The following KBTBD11 variants were observed in gnomAD, a reference collection of about 807,000 sequenced individuals.
The protein encoded by KBTBD11 is kelch repeat and BTB domain containing 11, also known as kelch repeat and BTB domain-containing protein 11.
For missense variants in KBTBD11, 1,390 were observed against 1,001.8 expected, an observed-to-expected ratio of 1.39 and a Z score of -5.23; for synonymous variants, 747 against 499.0, an observed-to-expected ratio of 1.50 and a Z score of -6.63.
At chr8:1,974,406 G>C in intron 1 of KBTBD11, 1 of 984,806 alleles carries the variant, frequency 1.0e-6, no homozygotes, top group South Asian at 4.7e-5. Flanking sequence ...AGCGCGCGGG[G>C]CCAGGGCGGG....
At chr8:2,000,248 A>T (rs1304020557) in intron 1 of KBTBD11, 37 bp from the exon 2 acceptor site, 1 of 152,222 alleles carries the variant, frequency 6.6e-6, no homozygotes, top group Non-Finnish European at 1.5e-5. Flanking sequence ...CTTACTGAAA[A>T]ACGCACAAAT....
chr8:1,980,549 C>G (rs1047858583), intron 1 of KBTBD11, among the ~76,000 whole-genome samples: 1 of 152,236 alleles, frequency 6.6e-6, no homozygotes, highest in Non-Finnish European at 1.5e-5. Flanking sequence ...TTAAAATGAG[C>G]TCCATGAAGC....
At chr8:1,977,670 C>T (rs1816395123) in intron 1 of KBTBD11, among the ~76,000 whole-genome samples, 1 of 146,770 alleles carries the variant, frequency 6.8e-6, no homozygotes, top group Non-Finnish European at 1.5e-5. Context: ...ATTACAGGCG[C>T]CCTCCAGCAC....
At chr8:1,986,827 A>T (rs570552529) in intron 1 of KBTBD11, among the ~76,000 whole-genome samples, 58 of 152,248 alleles carry the variant, frequency 3.8e-4, no homozygotes, top group Non-Finnish European at 6.8e-4. Context: ...AAGATTTAAT[A>T]CATGTTATCG....
intron 1 of KBTBD11, among the ~76,000 whole-genome samples, chr8:1,983,365 T>C (rs1816603302): frequency 6.6e-6 from 1 of 152,220 alleles, no homozygotes; most frequent in Non-Finnish European, 1.5e-5. Flanking sequence ...GTCACGATGC[T>C]CCTTTTCCTG....
chr8:1,994,887 C>T (rs900820715), intron 1 of KBTBD11, among the ~76,000 whole-genome samples: 9 of 152,172 alleles, frequency 5.9e-5, no homozygotes, highest in South Asian at 4.2e-4. Context: ...GGCGAAACTC[C>T]GTCTCTACTA....
chr8:2,002,938 C>T lies in KBTBD11; in HGVS notation c.1746C>T (p.Gly582=). 2.3e-6 allele frequency: 3 copies of T among 1,321,438 alleles called. No individual in the cohort carries two copies. Among genetic ancestry groups the T allele is most frequent in the East Asian group, 3.1e-5 (1 of 31,972 alleles). The allele number at this position is 1,321,438 out of a possible 1,614,324, so 81.9% of individuals were successfully genotyped here. Residue 582 remains glycine, a synonymous_variant, in exon 2 of 2, where the codon GGC becomes GGT. Coordinates refer to ENST00000320248, the MANE Select transcript of KBTBD11 (RefSeq NM_014867.3). The surrounding 1 kb of genome is among the most constrained non-coding windows in gnomAD (Gnocchi z 4.1). The part of the protein sequence containing the change: ...RFQPAREGEA[G]GDAGQGGGFE... ...AGCCTGCCCGGGAAGGCGAGGCCGG[C>T]GGCGACGCAGGCCAGGGCGGCGGCT... is the stretch of plus-strand genomic sequence containing the variant.
intron 1 of KBTBD11, among the ~76,000 whole-genome samples, chr8:1,991,275 G>A (rs1437845057): frequency 2.6e-5 from 4 of 152,356 alleles, no homozygotes; most frequent in East Asian, 3.9e-4. Context: ...TACACACCGC[G>A]TTGAACTCCA....
At position 1,974,389 on chromosome 8, in the gene KBTBD11, G is replaced by C. The variant is rs955960467; in HGVS notation, c.-909+454G>C. The C allele has an allele frequency of 3.0e-6, 3 of 984,814 alleles. No individual in the cohort carries two copies. The African/African-American group carries it at 5.3e-5, about 17-fold the overall frequency. The allele number at this position is 984,814 out of a possible 1,614,324, so 61.0% of individuals were successfully genotyped here. ...CGGCACGGAAGCAGGAGCAGAAGCCGAAGCCAAGCGCGCGGGGCCAGGGCG... is the reference window on the plus strand; with the variant it reads ...CGGCACGGAAGCAGGAGCAGAAGCCCAAGCCAAGCGCGCGGGGCCAGGGCG... On this transcript the variant is annotated intron_variant, in intron 1 of 1. Transcript: ENST00000320248.
At chr8:1,979,011 C>A (rs1392322162) in intron 1 of KBTBD11, among the ~76,000 whole-genome samples, 1 of 152,156 alleles carries the variant, frequency 6.6e-6, no homozygotes, top group East Asian at 1.9e-4. Context: ...TGCTGTAGGC[C>A]CTCGTGCTGG....
Position 2,001,577 on chromosome 8 carries a change from G to T in KBTBD11, c.385G>T (p.Val129Leu), listed in dbSNP as rs749886725. 284 of 1,448,524 alleles carry T rather than the reference G, an allele frequency of 2.0e-4. No individual in the cohort carries two copies. Among genetic ancestry groups the T allele is most frequent in the Non-Finnish European group, 8.5e-5 (94 of 1,106,418 alleles). 89.7% of individuals were successfully genotyped at this position (1,448,524 alleles called of 1,614,324 possible). The part of the protein sequence containing the change: ...SPEEPGEPAP[V>L]PPGFGAVYGE... ...CGAGGAGCCCGGGGAGCCCGCGCCCGTACCCCCGGGGTTCGGGGCGGTGTA... is the reference window on the plus strand; with the variant it reads ...CGAGGAGCCCGGGGAGCCCGCGCCCTTACCCCCGGGGTTCGGGGCGGTGTA... Residue 129 changes from valine to leucine, a missense_variant, in exon 2 of 2, where the codon GTA (valine) becomes TTA (leucine). By Grantham distance (32) the Val-to-Leu change is conservative. Transcript: ENST00000320248.
Position 2,003,038 on chromosome 8 carries a change from C to G in KBTBD11, c.1846C>G (p.Pro616Ala). Residue 616 changes from proline to alanine, a missense_variant, in exon 2 of 2, where the codon CCC (proline) becomes GCC (alanine). Physicochemically the swap from Pro to Ala is conservative, Grantham distance 27. Coordinates refer to ENST00000320248, the MANE Select transcript of KBTBD11 (RefSeq NM_014867.3). ...PFALSLPEKP[P>A]RGEQGAP ...CGCTCTCAGCCTGCCTGAGAAGCCGCCCCGAGGGGAGCAGGGCGCCCCGTA... is the reference window on the plus strand; with the variant it reads ...CGCTCTCAGCCTGCCTGAGAAGCCGGCCCGAGGGGAGCAGGGCGCCCCGTA... The G allele has an allele frequency of 2.4e-6, 3 of 1,273,664 alleles. No individual in the cohort carries two copies. The highest frequency in any genetic ancestry group is 3.0e-6 in the Non-Finnish European group (3 of 1,008,382). The allele number at this position is 1,273,664 out of a possible 1,614,324, so 78.9% of individuals were successfully genotyped here.
In KBTBD11 at chr8:2,003,463, A is replaced by C; in HGVS notation, c.*399A>C. The C allele has an allele frequency of 5.3e-6, 1 of 190,254 alleles. No homozygotes were observed. Among genetic ancestry groups the C allele is most frequent in the Non-Finnish European group, 1.2e-5 (1 of 84,056 alleles). 11.8% of individuals were successfully genotyped at this position (190,254 alleles called of 1,614,324 possible). ...GGGACCCTCAAGTAGGTCGCCGCGA[A>C]CTATCGGGGGAAGCACGCAGAGAGG... is the stretch of plus-strand genomic sequence containing the variant. On this transcript the variant is annotated 3_prime_UTR_variant, in exon 2 of 2. Transcript: ENST00000320248.
At position 1,982,479 on chromosome 8, in the gene KBTBD11, CAT is replaced by C. The variant is rs1491472159; in HGVS notation, c.-909+8548_-909+8549del. The stretch of plus-strand genomic sequence containing the variant: ...AGAGTGCATGAATGGGTTAAAAAAA[CAT>C]ATAAGACCCCACTATATGCTGCCTA... On this transcript the variant is annotated intron_variant, in intron 1 of 1. Transcript: ENST00000320248. 2.0e-5 allele frequency among the ~76,000 whole-genome samples: 3 copies of C among 148,546 alleles called. No individual in the cohort carries two copies. The South Asian group carries it at 6.7e-4, about 33-fold the overall frequency.
At chr8:1,983,734 A>C (rs1032533416) in intron 1 of KBTBD11, among the ~76,000 whole-genome samples, 5 of 152,258 alleles carry the variant, frequency 3.3e-5, no homozygotes, top group African/African-American at 1.2e-4. Flanking sequence ...TGTATTTCAC[A>C]TGTGTTCAGC....
chr8:1,997,650 G>A (rs937826707), intron 1 of KBTBD11, among the ~76,000 whole-genome samples: 1 of 152,262 alleles, frequency 6.6e-6, no homozygotes, highest in Non-Finnish European at 1.5e-5. Context: ...ACTCAACAGC[G>A]TAGCTGAAGA....
chr8:1,976,950 C>T (rs1295728739), intron 1 of KBTBD11, among the ~76,000 whole-genome samples: 1 of 152,130 alleles, frequency 6.6e-6, no homozygotes, highest in African/African-American at 2.4e-5. Context: ...GATTTTATGG[C>T]TGAGTTAAAT....
At chr8:1,974,012 G>C in intron 1 of KBTBD11, 77 bp downstream of exon 1, 4 of 976,452 alleles carry the variant, frequency 4.1e-6, no homozygotes, top group Non-Finnish European at 4.9e-6. Context: ...GGGTCGGAGG[G>C]GGCGGCGGGT....
chr8:1,976,841 C>T (rs1011945399), intron 1 of KBTBD11, among the ~76,000 whole-genome samples: 2 of 152,080 alleles, frequency 1.3e-5, no homozygotes, highest in African/African-American at 2.4e-5. Context: ...GGACAGTTTG[C>T]GGGAACATTG....
Sources: allele counts gnomAD v4.1 joint callset (sites outside exome capture counted in the v4.1 genomes callset), GRCh38; gene constraint gnomAD v4.1.1; non-coding constraint Gnocchi (gnomAD v3.1); transcripts MANE v1.5; gene names NCBI Gene and HGNC (gene_info 2026-07-23, HGNC 2026-07-21).